The following KCNQ1 variants were observed in gnomAD, a reference collection of about 807,000 sequenced individuals.
KCNQ1 encodes the protein potassium voltage-gated channel subfamily Q member 1.
A neutral mutation model predicts 72.4 loss-of-function variants in KCNQ1; 49 were observed. That is an observed-to-expected ratio of 0.68 (90% CI 0.54 to 0.86). The LOEUF (loss-of-function observed/expected upper bound fraction) is 0.86, where lower values mean the gene tolerates loss of function less well. KCNQ1 is among the 40% of genes least tolerant of loss of function. The pLI is 0.00. For synonymous variants in KCNQ1, 450 were observed against 412.6 expected, an observed-to-expected ratio of 1.09 and a Z score of -1.10; for missense variants, 790 against 945.1, an observed-to-expected ratio of 0.84 and a Z score of 2.15.
Position 2,595,138 on chromosome 11 carries a change from G to A in KCNQ1, c.1393+6284G>A, listed in dbSNP as rs567206444. Reference sequence around the variant, plus strand: ...ACAGAAACCCCAATCTCCTGTGAGAGCAAGTCTAAGTAACATATATTGAGA... The same window carrying A: ...ACAGAAACCCCAATCTCCTGTGAGAACAAGTCTAAGTAACATATATTGAGA... On this transcript the variant is annotated intron_variant, in intron 10 of 15. Transcript: ENST00000155840. The surrounding 1 kb of genome is among the most constrained non-coding windows in gnomAD (Gnocchi z 5.0). 1.3e-5 allele frequency among the ~76,000 whole-genome samples: 2 copies of A among 152,264 alleles called. No individual in the cohort carries two copies. The highest frequency in any genetic ancestry group is 4.8e-5 in the African/African-American group (2 of 41,536).
At position 2,776,059 on chromosome 11, in the gene KCNQ1, G is replaced by A; in HGVS notation, c.1685+5G>A. On this transcript the variant is annotated splice_donor_5th_base_variant and intron_variant, in intron 13 of 15. Transcript: ENST00000155840. ...CATCAAGGAGCTGCAGAGGAGGTGG[G>A]CACGGCCAAACGGCAGCGGGGAGGG... The A allele has an allele frequency of 1.3e-6, 2 of 1,552,872 alleles. No individual in the cohort carries two copies. Among genetic ancestry groups the A allele is most frequent in the African/African-American group, 1.4e-5 (1 of 73,780 alleles).
At position 2,481,625 on chromosome 11, in the gene KCNQ1, C is replaced by T. The variant is rs112795453; in HGVS notation, c.386+36141C>T. 5.9e-5 allele frequency among the ~76,000 whole-genome samples: 9 copies of T among 152,328 alleles called. No homozygotes were observed. The highest frequency in any genetic ancestry group is 2.1e-4 in the South Asian group (1 of 4,824). The stretch of plus-strand genomic sequence containing the variant: ...GTATTTACAGTCACTCCCCATCACT[C>T]GCATTACCGCGTGAGCTCTGCCTCC... On this transcript the variant is annotated intron_variant, in intron 1 of 15. Coordinates refer to ENST00000155840, the MANE Select transcript of KCNQ1 (RefSeq NM_000218.3). This position sits in a 1 kb window ranked among gnomAD's most constrained non-coding sequence, Gnocchi z 4.6.
In KCNQ1 at chr11:2,653,938, G is replaced by T; in HGVS notation, c.1394-8023G>T. On this transcript the variant is annotated intron_variant, in intron 10 of 15. Coordinates refer to ENST00000155840, the MANE Select transcript of KCNQ1 (RefSeq NM_000218.3). This position sits in a 1 kb window ranked among gnomAD's most constrained non-coding sequence, Gnocchi z 5.3. ...TCCCAGAAGCCAGGCCTGGCTGCTG[G>T]CAGGCAAAAACAACAGGTGTCCACT... 1 of 398,688 alleles carries T rather than the reference G, an allele frequency of 2.5e-6. No individual in the cohort carries two copies. Among genetic ancestry groups the T allele is most frequent in the Non-Finnish European group, 4.4e-6 (1 of 226,114 alleles). The allele number at this position is 398,688 out of a possible 1,614,324, so 24.7% of individuals were successfully genotyped here.
In KCNQ1 at chr11:2,494,424, T is replaced by G. The variant is rs1228014184; in HGVS notation, c.387-33504T>G. On this transcript the variant is annotated intron_variant, in intron 1 of 15. Coordinates refer to ENST00000155840, the MANE Select transcript of KCNQ1 (RefSeq NM_000218.3). The surrounding 1 kb of genome is among the most constrained non-coding windows in gnomAD (Gnocchi z 4.6). ...GAGAGAGGGCATCCTTGTCTTGTGC[T>G]GGTTTTCAAAGTGAATGCTTCCAGC... Among the ~76,000 whole-genome samples, 1 of 152,172 alleles carries G rather than the reference T, an allele frequency of 6.6e-6. No homozygotes were observed. Among genetic ancestry groups the G allele is most frequent in the Non-Finnish European group, 1.5e-5 (1 of 68,026 alleles).
chr11:2,520,189 G>A (rs2133633622), intron 1 of KCNQ1, among the ~76,000 whole-genome samples: 1 of 152,320 alleles, frequency 6.6e-6, no homozygotes, highest in East Asian at 1.9e-4. Flanking sequence ...CCATCGATTG[G>A]TAGTGCCTCC....
At position 2,674,793 on chromosome 11, in the gene KCNQ1, T is replaced by G. The variant is rs1035058658; in HGVS notation, c.1514+12712T>G. 7.9e-6 allele frequency: 3 copies of G among 380,168 alleles called. No homozygotes were observed. Among genetic ancestry groups the G allele is most frequent in the Non-Finnish European group, 9.0e-6 (2 of 221,636 alleles). 23.5% of individuals were successfully genotyped at this position (380,168 alleles called of 1,614,324 possible). ...CTTCCTGGAAACTCTCGCCAACTGC[T>G]GGCCTTTGGAAAGGCTTGTCACCCT... is the stretch of plus-strand genomic sequence containing the variant. On this transcript the variant is annotated intron_variant, in intron 11 of 15. Transcript: ENST00000155840. This position sits in a 1 kb window ranked among gnomAD's most constrained non-coding sequence, Gnocchi z 5.9.
In KCNQ1 at chr11:2,524,932, C is replaced by T. The variant is rs114196283; in HGVS notation, c.387-2996C>T. Reference sequence around the variant, plus strand: ...GTGGCATCTTCTGCCCCGGGCAGCCCGGCTCTGCTTCCTCGTGGCTGAGCC... The same window carrying T: ...GTGGCATCTTCTGCCCCGGGCAGCCTGGCTCTGCTTCCTCGTGGCTGAGCC... On this transcript the variant is annotated intron_variant, in intron 1 of 15. Transcript: ENST00000155840. Among the ~76,000 whole-genome samples the T allele has an allele frequency of 2.4e-3, 366 of 152,302 alleles. 2 individuals carry two copies. The highest frequency in any genetic ancestry group is 8.4e-3 in the African/African-American group (349 of 41,568).
At position 2,634,320 on chromosome 11, in the gene KCNQ1, TC is replaced by T. The variant is rs1195451890; in HGVS notation, c.1394-27635del. ...ATCTCCTAATGCTTTCCCTCCCCCC[TC>T]CCCCCTCCCCCCCCACCCCACAACA... On this transcript the variant is annotated intron_variant, in intron 10 of 15. Transcript: ENST00000155840. The T allele has an allele frequency of 2.6e-4, 43 of 165,140 alleles. No homozygotes were observed. In the East Asian group the frequency reaches 3.0e-3, roughly 12 times the overall value. The allele number at this position is 165,140 out of a possible 1,614,324, so 10.2% of individuals were successfully genotyped here.
rs778576517 is a variant in KCNQ1 at position 2,849,021 on chromosome 11, T to C, written c.*1018T>C. On this transcript the variant is annotated 3_prime_UTR_variant, in exon 16 of 16. Transcript: ENST00000155840. The stretch of plus-strand genomic sequence containing the variant: ...GGGCTGGGCACTGCTCTCACCTTGG[T>C]TCCTGGGGCATCCATGGGGTCTCTC... The C allele has an allele frequency of 6.6e-6, 3 of 454,046 alleles. No individual in the cohort carries two copies. The highest frequency in any genetic ancestry group is 4.0e-5 in the African/African-American group (2 of 50,020). The allele number at this position is 454,046 out of a possible 1,614,324, so 28.1% of individuals were successfully genotyped here. A position where few individuals can be genotyped will look rare whatever the true frequency, so the allele number is the denominator to read the frequency against.
At chr11:2,448,766 G>A (rs1028141724) in intron 1 of KCNQ1, among the ~76,000 whole-genome samples, 1 of 152,236 alleles carries the variant, frequency 6.6e-6, no homozygotes, top group African/African-American at 2.4e-5. Flanking sequence ...CCTTCTGTGG[G>A]GCATGAGCCC....
intron 10 of KCNQ1, chr11:2,650,403 C>T (rs543183454): frequency 2.5e-6 from 1 of 398,456 alleles, no homozygotes; most frequent in African/African-American, 2.1e-5. Flanking sequence ...ATGGAGTAGC[C>T]TTAGTAAGGA....
Position 2,486,393 on chromosome 11 carries a change from A to G in KCNQ1, c.386+40909A>G, listed in dbSNP as rs1355629012. ...TAGAACTTCTCTATATATTCTGGAT[A>G]TTAATCCCTTATCAGATATAGGATT... On this transcript the variant is annotated intron_variant, in intron 1 of 15. Coordinates refer to ENST00000155840, the MANE Select transcript of KCNQ1 (RefSeq NM_000218.3). This position sits in a 1 kb window ranked among gnomAD's most constrained non-coding sequence, Gnocchi z 5.0. Among the ~76,000 whole-genome samples, 1 of 152,218 alleles carries G rather than the reference A, an allele frequency of 6.6e-6. No individual in the cohort carries two copies. Among genetic ancestry groups the G allele is most frequent in the African/African-American group, 2.4e-5 (1 of 41,448 alleles).
At chr11:2,590,808 G>C (rs562386113) in intron 10 of KCNQ1, among the ~76,000 whole-genome samples, 3 of 152,286 alleles carry the variant, frequency 2.0e-5, no homozygotes, top group African/African-American at 7.2e-5. Flanking sequence ...CAGTCCCTTG[G>C]AGGCTGGACC....
intron 15 of KCNQ1, among the ~76,000 whole-genome samples, chr11:2,792,095 C>T (rs112876247): frequency 0.015 from 2,322 of 152,262 alleles, 57 homozygotes; most frequent in African/African-American, 0.052. Flanking sequence ...CCTGGTCCGG[C>T]GCTTCCATTC....
At chr11:2,619,712 AT>A (rs35618307) in intron 10 of KCNQ1, 21,554 of 290,108 alleles carry the variant, frequency 0.074, 220 homozygotes, top group South Asian at 0.13. Context: ...CTTTAGCTGC[AT>A]TTTTTTTTTT....
chr11:2,506,531 A>G (rs868760027), intron 1 of KCNQ1, among the ~76,000 whole-genome samples: 5 of 152,214 alleles, frequency 3.3e-5, no homozygotes, highest in African/African-American at 1.2e-4. Flanking sequence ...ACATATGTCT[A>G]TTGTATTCTT....
rs1849158719 is a variant in KCNQ1, at chr11:2,620,912, T to A, written c.1393+32058T>A. The A allele has an allele frequency of 2.5e-6, 1 of 397,320 alleles. No individual in the cohort carries two copies. The highest frequency in any genetic ancestry group is 4.5e-5 in the Admixed American group (1 of 22,430). The allele number at this position is 397,320 out of a possible 1,614,324, so 24.6% of individuals were successfully genotyped here. ...ACTGGTGTGAGATGGCATCCCATTA[T>A]GGTTTGGTGTTTTTTTGTTGTTGTT... On this transcript the variant is annotated intron_variant, in intron 10 of 15. Transcript: ENST00000155840. This position sits in a 1 kb window ranked among gnomAD's most constrained non-coding sequence, Gnocchi z 4.5.
In KCNQ1 at chr11:2,676,665, G is replaced by A. The variant is rs1444776945; in HGVS notation, c.1514+14584G>A. 3 of 398,554 alleles carry A rather than the reference G, an allele frequency of 7.5e-6. No individual in the cohort carries two copies. Among genetic ancestry groups the A allele is most frequent in the African/African-American group, 2.1e-5 (1 of 48,634 alleles). The allele number at this position is 398,554 out of a possible 1,614,324, so 24.7% of individuals were successfully genotyped here. A position where few individuals can be genotyped will look rare whatever the true frequency, so the allele number is the denominator to read the frequency against. On this transcript the variant is annotated intron_variant, in intron 11 of 15. Coordinates refer to ENST00000155840, the MANE Select transcript of KCNQ1 (RefSeq NM_000218.3). The surrounding 1 kb of genome is among the most constrained non-coding windows in gnomAD (Gnocchi z 4.2). ...GATAGATAGTTCATTAAGGTCTTGA[G>A]TATTTCCAAGGGAGCACTAACTGGA...
At chr11:2,737,720 T>C (rs1344774647) in intron 11 of KCNQ1, among the ~76,000 whole-genome samples, 1 of 152,064 alleles carries the variant, frequency 6.6e-6, no homozygotes, top group Non-Finnish European at 1.5e-5. Context: ...GGCAGGGATA[T>C]GGGGTCACAG....
Sources: gnomAD v4.1 joint callset for allele counts (sites outside exome capture counted in the v4.1 genomes callset) on GRCh38, gnomAD v4.1.1 for gene constraint, Gnocchi (gnomAD v3.1) non-coding constraint, MANE v1.5 for transcripts, NCBI Gene and HGNC (gene_info 2026-07-23, HGNC 2026-07-21) for gene names.